The following ZNF282 variants were observed in gnomAD, a reference collection of about 807,000 sequenced individuals.
The protein encoded by ZNF282 is zinc finger protein 282, also known as HTLV-I U5 repressive element-binding protein 1.
ZNF282 carries 30 observed loss-of-function variants against 61.9 expected under a neutral mutation model. The observed-to-expected ratio is 0.48, with a 90% confidence interval of 0.36 to 0.66. ZNF282 has a LOEUF of 0.66. Among genes scored for constraint, ZNF282 ranks in the 30% least tolerant of loss-of-function variants. ZNF282 has a pLI of 0.00. For missense variants in ZNF282, 788 were observed against 941.4 expected (o/e 0.84, Z 2.13); for synonymous variants, 396 against 405.0 (o/e 0.98, Z 0.27).
At chr7:149,210,136 G>A (rs1039138787) in intron 4 of ZNF282, among the ~76,000 whole-genome samples, 7 of 152,062 alleles carry the variant, frequency 4.6e-5, no homozygotes, top group Admixed American at 2.0e-4. Context: ...ATATATACAC[G>A]TGTGTGTGCA....
chr7:149,221,186 C>T (rs746840161), intron 7 of ZNF282, among the ~76,000 whole-genome samples: 3 of 152,100 alleles, frequency 2.0e-5, no homozygotes, highest in Admixed American at 6.6e-5. Context: ...CCCAATGTGC[C>T]GGGATTACAG....
intron 2 of ZNF282, among the ~76,000 whole-genome samples, chr7:149,206,152 C>G (rs942073325): frequency 6.6e-6 from 1 of 152,180 alleles, no homozygotes; most frequent in Non-Finnish European, 1.5e-5. Context: ...GCAGCACACT[C>G]AAGTATTTAT....
intron 5 of ZNF282, among the ~76,000 whole-genome samples, chr7:149,211,478 A>G (rs1796084254): frequency 6.6e-6 from 1 of 152,124 alleles, no homozygotes; most frequent in African/African-American, 2.4e-5. Context: ...GCCCGCCCAC[A>G]TCATAGAGGG....
chr7:149,206,608 G>C, intron 2 of ZNF282, 88 bp from the exon 3 acceptor site: 2 of 1,586,478 alleles, frequency 1.3e-6, no homozygotes, highest in Non-Finnish European at 1.7e-6. Context: ...GGGCTTTGGT[G>C]GGGAGTGGGT....
chr7:149,210,047 A>G (rs1000606344), intron 4 of ZNF282, among the ~76,000 whole-genome samples: 5 of 152,180 alleles, frequency 3.3e-5, no homozygotes, highest in Admixed American at 1.3e-4. Flanking sequence ...GACTGGCTGT[A>G]TAAGGAGGTT....
At chr7:149,208,494 T>C (rs1796032600) in intron 4 of ZNF282, among the ~76,000 whole-genome samples, 2 of 151,540 alleles carry the variant, frequency 1.3e-5, no homozygotes, top group South Asian at 4.2e-4. Context: ...TGAGCCACCA[T>C]GCCCGGCCGT....
rs60477284 is a variant in ZNF282 at position 149,219,092 on chromosome 7, C to T, written c.1181-4720C>T. ...GAATCATTAGCCACGAGGTTCAGCTCAGTCTCCAGCCCCTTTCCCTCCCTG... is the reference window on the plus strand; with the variant it reads ...GAATCATTAGCCACGAGGTTCAGCTTAGTCTCCAGCCCCTTTCCCTCCCTG... On this transcript the variant is annotated intron_variant, in intron 7 of 7. Coordinates refer to ENST00000610704, the MANE Select transcript of ZNF282 (RefSeq NM_003575.4). 3.7e-3 allele frequency among the ~76,000 whole-genome samples: 561 copies of T among 152,314 alleles called. 6 individuals are homozygous for T. The highest frequency in any genetic ancestry group is 0.013 in the African/African-American group (534 of 41,572).
rs1365778726 is a variant in ZNF282 at position 149,224,231 on chromosome 7, A to G, written c.1600A>G (p.Ile534Val). Reference sequence around the variant, plus strand: ...GAGCTTCGGCGTGCGCAAGAGCCTCATCATCCACCACCGCAGCCACACCAA... The same window carrying G: ...GAGCTTCGGCGTGCGCAAGAGCCTCGTCATCCACCACCGCAGCCACACCAA... ...GKSFGVRKSLIIHHRSHTKER... is the reference protein window; with the variant it reads ...GKSFGVRKSLVIHHRSHTKER... Residue 534 changes from isoleucine (I) to valine (V), a missense_variant, in exon 8 of 8, where the codon ATC becomes GTC. Around this residue, in one of 3 missense-constraint regions of ZNF282, gnomAD observed 559 missense variants for 642.0 expected, o/e 0.87. Coordinates refer to ENST00000610704, the MANE Select transcript of ZNF282 (RefSeq NM_003575.4). 1.2e-6 allele frequency: 2 copies of G among 1,611,418 alleles called. No homozygotes were observed. Among genetic ancestry groups the G allele is most frequent in the Non-Finnish European group, 1.7e-6 (2 of 1,179,816 alleles).
chr7:149,221,428 G>A (rs1796249007), intron 7 of ZNF282, among the ~76,000 whole-genome samples: 1 of 152,250 alleles, frequency 6.6e-6, no homozygotes, highest in Non-Finnish European at 1.5e-5. Flanking sequence ...TTCACACTGG[G>A]TTGGAAGACG....
Position 149,198,871 on chromosome 7 carries a change from C to T in ZNF282, c.585+119C>T. 1 of 1,369,858 alleles carries T rather than the reference C, an allele frequency of 7.3e-7. No individual in the cohort carries two copies. The highest frequency in any genetic ancestry group is 2.4e-5 in the East Asian group (1 of 42,116). The allele number at this position is 1,369,858 out of a possible 1,614,324, so 84.9% of individuals were successfully genotyped here. A position where few individuals can be genotyped will look rare whatever the true frequency, so the allele number is the denominator to read the frequency against. The stretch of plus-strand genomic sequence containing the variant: ...TCTCTGGCTCCCCGTTATCCAATTT[C>T]AGTGTCTTCTTAAAGCCTGTCTCCA... On this transcript the variant is annotated intron_variant, in intron 2 of 7. Transcript: ENST00000610704. This position sits in a 1 kb window ranked among gnomAD's most constrained non-coding sequence, Gnocchi z 4.3.
intron 7 of ZNF282, among the ~76,000 whole-genome samples, chr7:149,215,195 ATTTTTTTTTT>A (rs36096302): frequency 5.5e-5 from 5 of 90,660 alleles, no homozygotes; most frequent in Admixed American, 1.5e-4. Flanking sequence ...ATTTCCTGAC[ATTTTTTTTTT>A]TTTTTTTTTT....
intron 7 of ZNF282, among the ~76,000 whole-genome samples, chr7:149,215,607 A>G (rs1210726906): frequency 6.6e-6 from 1 of 152,208 alleles, no homozygotes; most frequent in Non-Finnish European, 1.5e-5. Flanking sequence ...CACACTCTCT[A>G]TAAGACAACT....
intron 7 of ZNF282, 142 bp from the exon 8 acceptor site, chr7:149,223,670 C>T: frequency 2.2e-6 from 2 of 912,678 alleles, no homozygotes; most frequent in Non-Finnish European, 2.9e-6. Flanking sequence ...CCACGTAGAT[C>T]GTGGCCCAGC....
At position 149,195,744 on chromosome 7, in the gene ZNF282, C is replaced by T; in HGVS notation, c.155C>T (p.Pro52Leu). 1.3e-6 allele frequency: 2 copies of T among 1,525,948 alleles called. No homozygotes were observed. Among genetic ancestry groups the T allele is most frequent in the Non-Finnish European group, 1.8e-6 (2 of 1,137,440 alleles). 94.5% of individuals were successfully genotyped at this position (1,525,948 alleles called of 1,614,324 possible). A position where few individuals can be genotyped will look rare whatever the true frequency, so the allele number is the denominator to read the frequency against. The stretch of plus-strand genomic sequence containing the variant: ...CGCGGGGAAATGGCCGAGGGAATGC[C>T]GCCCATGCAGGTGGGAGAACCCCGC... ...ALRGEMAEGM[P>L]PMQAQEWDMD... The change falls in exon 1 of 8, where the codon CCG becomes CTG. Residue 52 changes from proline (P) to leucine (L), a missense_variant. Physicochemically the swap from Pro to Leu is moderately conservative, Grantham distance 98. This residue lies in a region of ZNF282 where 137 missense variants were observed against 135.4 expected (regional missense o/e 1.01). Coordinates refer to ENST00000610704, the MANE Select transcript of ZNF282 (RefSeq NM_003575.4).
intron 4 of ZNF282, among the ~76,000 whole-genome samples, chr7:149,207,698 G>T (rs1293686650): frequency 1.3e-5 from 2 of 152,234 alleles, no homozygotes; most frequent in African/African-American, 4.8e-5. Flanking sequence ...GTTTGTTAAA[G>T]CCGCGTAGCT....
At chr7:149,207,870 C>A (rs527386244) in intron 4 of ZNF282, among the ~76,000 whole-genome samples, 1 of 152,350 alleles carries the variant, frequency 6.6e-6, no homozygotes, top group East Asian at 1.9e-4. Flanking sequence ...GCCTAATGTA[C>A]AGCGTCATCA....
chr7:149,214,338 C>T (rs1229469580), intron 7 of ZNF282, among the ~76,000 whole-genome samples: 1 of 152,146 alleles, frequency 6.6e-6, no homozygotes, highest in Non-Finnish European at 1.5e-5. Flanking sequence ...TAACTAACTA[C>T]ATCTGCAATG....
rs776018255 is a variant in ZNF282 at position 149,205,865 on chromosome 7, A to G, written c.586-831A>G. 5.4e-4 allele frequency among the ~76,000 whole-genome samples: 82 copies of G among 152,232 alleles called. No individual in the cohort carries two copies. The Middle Eastern group carries it at 0.01, about 19-fold the overall frequency. ...TTGAGGGGTCGGATTTCAGACCGAG[A>G]GTGAAAGGCTGGTTCAGTCGGAATG... On this transcript the variant is annotated intron_variant, in intron 2 of 7. Transcript: ENST00000610704.
intron 2 of ZNF282, among the ~76,000 whole-genome samples, chr7:149,200,816 C>T (rs1417584123): frequency 1.3e-5 from 2 of 152,052 alleles, no homozygotes; most frequent in African/African-American, 4.8e-5. Context: ...AGGCTGGTCT[C>T]GAACTCCTGA....
Sources: allele counts gnomAD v4.1 joint callset (sites outside exome capture counted in the v4.1 genomes callset), GRCh38; gene constraint gnomAD v4.1.1; regional missense constraint gnomAD v4.1.1; non-coding constraint Gnocchi (gnomAD v3.1); transcripts MANE v1.5; gene names NCBI Gene and HGNC (gene_info 2026-07-23, HGNC 2026-07-21).